Variants in ABCB11 observed in about 807,000 individuals in gnomAD.
ABCB11 encodes the protein ATP binding cassette subfamily B member 11, also known as bile salt export pump.
In ABCB11, 95 loss-of-function variants were observed where a neutral mutation model predicts 148.0. The ratio of observed to expected loss-of-function variants is 0.64; its 90% CI spans 0.54 to 0.76. ABCB11 has a LOEUF of 0.76. Ranked by LOEUF, ABCB11 falls within the 30% of genes least tolerant of loss-of-function variation. ABCB11 has a pLI of 0.00. For synonymous variants in ABCB11, 591 were observed against 555.4 expected (o/e 1.06, Z -0.90); for missense variants, 1,523 against 1,617.8 (o/e 0.94, Z 1.01).
At chr2:168,989,597 A>T (rs1694443715) in intron 9 of ABCB11, among the ~76,000 whole-genome samples, 1 of 152,098 alleles carries the variant, frequency 6.6e-6, no homozygotes, top group Admixed American at 6.6e-5. Context: ...TGATGCCTCC[A>T]GCTTTGTTCT....
In ABCB11 at chr2:168,945,396, G is replaced by A. The variant is rs372868418; in HGVS notation, c.2344-435C>T. Among the ~76,000 whole-genome samples the A allele has an allele frequency of 1.1e-4, 16 of 151,960 alleles. No homozygotes were observed. The East Asian group carries it at 2.7e-3, about 26-fold the overall frequency. ...CAGTCCTCTGTGGGGCGGAAAACCT[G>A]GTGAATGAAAACCAATGGTGATGAC... On this transcript the variant is annotated intron_variant, in intron 19 of 27. Coordinates refer to ENST00000650372, the MANE Select transcript of ABCB11 (RefSeq NM_003742.4).
chr2:168,987,265 C>G (rs1431726969), intron 9 of ABCB11, among the ~76,000 whole-genome samples: 1 of 152,018 alleles, frequency 6.6e-6, no homozygotes, highest in African/African-American at 2.4e-5. Flanking sequence ...CAGTTGGTAG[C>G]TATTTTATAA....
In ABCB11 at chr2:168,921,871, T is replaced by C. The variant is rs1182826798; in HGVS notation, c.*1751A>G. On this transcript the variant is annotated 3_prime_UTR_variant, in exon 28 of 28. Transcript: ENST00000650372. ...CTTTTCTTTTTCTTTTTCTTTTTTT[T>C]TTTTTTTCGCTCTGTCGCCCAGGCT... Among the ~76,000 whole-genome samples, 1 of 150,124 alleles carries C rather than the reference T, an allele frequency of 6.7e-6. No homozygotes were observed. Among genetic ancestry groups the C allele is most frequent in the Non-Finnish European group, 1.5e-5 (1 of 67,524 alleles).
chr2:168,974,671 C>T (rs960629888), intron 12 of ABCB11, among the ~76,000 whole-genome samples: 8 of 151,826 alleles, frequency 5.3e-5, no homozygotes, highest in Non-Finnish European at 8.8e-5. Flanking sequence ...AAAACATACT[C>T]GTACTATGAA....
intron 26 of ABCB11, among the ~76,000 whole-genome samples, chr2:168,926,049 C>CAA (rs956457417): frequency 6.6e-6 from 1 of 152,138 alleles, no homozygotes; most frequent in Non-Finnish European, 1.5e-5. Flanking sequence ...AAAAGCCTTC[C>CAA]ACAAACCCAC....
intron 1 of ABCB11, among the ~76,000 whole-genome samples, chr2:169,022,232 G>T (rs2106067641): frequency 6.6e-6 from 1 of 151,874 alleles, no homozygotes; most frequent in East Asian, 1.9e-4. Flanking sequence ...AAAAATGCAA[G>T]ATTTATAAGA....
chr2:169,014,939 T>C lies in ABCB11; in HGVS notation c.99-585A>G, dbSNP rs572976503. Among the ~76,000 whole-genome samples, 15 of 152,272 alleles carry C rather than the reference T, an allele frequency of 9.9e-5. No individual in the cohort carries two copies. The South Asian group carries it at 3.1e-3, about 32-fold the overall frequency. ...GACTTAACCTGAGTCACGCAGTCCA[T>C]GAATACACCCTGGACCTTGCTGTCA... On this transcript the variant is annotated intron_variant, in intron 3 of 27. Transcript: ENST00000650372.
chr2:168,923,284 C>T lies in ABCB11; in HGVS notation c.*338G>A. The T allele has an allele frequency of 2.9e-6, 1 of 349,384 alleles. No individual in the cohort carries two copies. Among genetic ancestry groups the T allele is most frequent in the Non-Finnish European group, 5.2e-6 (1 of 191,118 alleles). The allele number at this position is 349,384 out of a possible 1,614,324, so 21.6% of individuals were successfully genotyped here. On this transcript the variant is annotated 3_prime_UTR_variant, in exon 28 of 28. Coordinates refer to ENST00000650372, the MANE Select transcript of ABCB11 (RefSeq NM_003742.4). Reference sequence around the variant, plus strand: ...GAGGAGTTCAAAGTGTCACTTACTCCCTGATGTCTCACTAATTCCCACATA... The same window carrying T: ...GAGGAGTTCAAAGTGTCACTTACTCTCTGATGTCTCACTAATTCCCACATA...
intron 12 of ABCB11, among the ~76,000 whole-genome samples, chr2:168,975,087 A>T (rs1445005162): frequency 9.2e-6 from 1 of 108,542 alleles, no homozygotes; most frequent in Non-Finnish European, 1.9e-5. Flanking sequence ...AAATATTTTT[A>T]TATTTAAATA....
chr2:168,936,537 A>G (rs1559185172), intron 21 of ABCB11, 104 bp from the exon 22 acceptor site: 3 of 979,070 alleles, frequency 3.1e-6, no homozygotes, highest in Non-Finnish European at 4.7e-6. Flanking sequence ...GATAAAATAT[A>G]CATAACAATA....
Position 168,924,738 on chromosome 2 carries a change from A to G in ABCB11, c.3684T>C (p.Ala1228=). Residue 1228 remains alanine, a synonymous_variant, in exon 27 of 28, where the codon GCT becomes GCC. Coordinates refer to ENST00000650372, the MANE Select transcript of ABCB11 (RefSeq NM_003742.4). ...QLSRGEKQRI[A]IARAIVRDPK... is the part of the protein sequence containing the mutation. Reference sequence around the variant, plus strand: ...GATCTCGTACAATGGCCCGAGCAATAGCAATGCGTTGTTTCTCCCCTCTAG... The same window carrying G: ...GATCTCGTACAATGGCCCGAGCAATGGCAATGCGTTGTTTCTCCCCTCTAG... The G allele has an allele frequency of 6.2e-7, 1 of 1,613,866 alleles. No homozygotes were observed. Among genetic ancestry groups the G allele is most frequent in the African/African-American group, 1.3e-5 (1 of 75,018 alleles).
chr2:168,998,307 G>C (rs745882784), intron 5 of ABCB11, among the ~76,000 whole-genome samples: 35 of 151,960 alleles, frequency 2.3e-4, no homozygotes, highest in Admixed American at 1.6e-3. Flanking sequence ...AGCAGTGGAG[G>C]GGGAGGGATG....
intron 21 of ABCB11, among the ~76,000 whole-genome samples, chr2:168,939,024 TA>T (rs1216313783): frequency 5.9e-5 from 9 of 152,234 alleles, no homozygotes; most frequent in African/African-American, 2.2e-4. Flanking sequence ...AGGAACACTT[TA>T]AAAAATAGCT....
chr2:169,011,728 C>T (rs1272838591), intron 5 of ABCB11, among the ~76,000 whole-genome samples: 1 of 152,108 alleles, frequency 6.6e-6, no homozygotes, highest in Non-Finnish European at 1.5e-5. Context: ...CCCATGTAAT[C>T]ACAGCCAACT....
At chr2:168,955,522 G>A (rs1692750566) in intron 19 of ABCB11, among the ~76,000 whole-genome samples, 1 of 151,546 alleles carries the variant, frequency 6.6e-6, no homozygotes, top group Non-Finnish European at 1.5e-5. Flanking sequence ...CAGCAAGGGG[G>A]AAATCTCCTC....
intron 19 of ABCB11, among the ~76,000 whole-genome samples, chr2:168,946,922 T>A (rs1409258889): frequency 6.6e-6 from 1 of 151,838 alleles, no homozygotes; most frequent in East Asian, 1.9e-4. Context: ...TTCATACAAC[T>A]GTCCAATTCA....
In ABCB11 at chr2:168,969,920, T is replaced by C. The variant is rs371814449; in HGVS notation, c.1809+125A>G. ...GCTAATATTTTCTAAACAATCAGAC[T>C]AGATGCATGAACCCATGTAGTATCA... On this transcript the variant is annotated intron_variant, in intron 15 of 27. Coordinates refer to ENST00000650372, the MANE Select transcript of ABCB11 (RefSeq NM_003742.4). The C allele has an allele frequency of 3.7e-5, 34 of 928,472 alleles. No individual in the cohort carries two copies. The South Asian group carries it at 4.9e-4, about 13-fold the overall frequency. The allele number at this position is 928,472 out of a possible 1,614,324, so 57.5% of individuals were successfully genotyped here.
chr2:168,917,438 C>A (rs535452981), downstream of ABCB11, among the ~76,000 whole-genome samples: 82 of 152,294 alleles, frequency 5.4e-4, no homozygotes, highest in African/African-American at 2.0e-3. Context: ...AAGAGGTCCT[C>A]AGGAAGCTTA....
intron 15 of ABCB11, 76 bp downstream of exon 15, chr2:168,969,969 A>AC: frequency 1.7e-6 from 1 of 584,070 alleles, no homozygotes; most frequent in Non-Finnish European, 3.2e-6. Flanking sequence ...CTCCCACCCC[A>AC]CAAGGAGCTG....
Sources: allele counts gnomAD v4.1 joint callset (sites outside exome capture counted in the v4.1 genomes callset), GRCh38; gene constraint gnomAD v4.1.1; transcripts MANE v1.5; gene names NCBI Gene and HGNC (gene_info 2026-07-23, HGNC 2026-07-21).